The following RPL3L variants were observed in gnomAD, a reference collection of about 807,000 sequenced individuals.
The protein encoded by RPL3L is ribosomal protein uL3-like.
Under a neutral mutation model 44.5 loss-of-function variants are expected in RPL3L, and 44 were observed. The observed-to-expected ratio is 0.99, with a 90% CI of 0.78 to 1.27. The LOEUF (loss-of-function observed/expected upper bound fraction) is 1.27. Among genes scored for constraint, RPL3L ranks in the 50% most tolerant of loss-of-function variants. RPL3L has a pLI of 0.00. For synonymous variants in RPL3L, 292 were observed against 230.7 expected (o/e 1.27, Z -2.41); for missense variants, 631 against 569.1 (o/e 1.11, Z -1.11).
At chr16:1,948,086 C>T (rs550416114) in intron 4 of RPL3L, among the ~76,000 whole-genome samples, 13 of 149,906 alleles carry the variant, frequency 8.7e-5, no homozygotes, top group Admixed American at 1.3e-4. Flanking sequence ...TACAGGTGCC[C>T]GCCACCTCGA....
At chr16:1,947,566 A>G (rs1430552513) in intron 4 of RPL3L, among the ~76,000 whole-genome samples, 186 bp from the exon 5 acceptor site, 2 of 152,244 alleles carry the variant, frequency 1.3e-5, no homozygotes, top group South Asian at 2.1e-4. Flanking sequence ...TGAGGCAGAC[A>G]GAGTCCCACA....
chr16:1,949,252 T>TG (rs2083150459), intron 4 of RPL3L, among the ~76,000 whole-genome samples: 2 of 114,072 alleles, frequency 1.8e-5, no homozygotes, highest in African/African-American at 6.3e-5. Context: ...TTGTTTTTTT[T>TG]TTTTTTCTTT....
intron 4 of RPL3L, among the ~76,000 whole-genome samples, chr16:1,949,066 C>T (rs1488163804): frequency 3.5e-5 from 5 of 141,012 alleles, no homozygotes; most frequent in African/African-American, 1.3e-4. Flanking sequence ...AGACTGGTCT[C>T]GAAGTCCTCC....
rs1241572539 is a variant in RPL3L at position 1,954,180 on chromosome 16, G to A, written c.4-32C>T. ...GGCAGGAAGGAAGGAGGTCAGACCT[G>A]GGGTGTCCCTGGTGGTAGAGCTGGA... On this transcript the variant is annotated intron_variant, in intron 1 of 9. Transcript: ENST00000268661. 3 of 1,519,346 alleles carry A rather than the reference G, an allele frequency of 2.0e-6. No homozygotes were observed. The African/African-American group carries it at 4.1e-5, about 21-fold the overall frequency. 94.1% of individuals were successfully genotyped at this position (1,519,346 alleles called of 1,614,324 possible).
intron 3 of RPL3L, among the ~76,000 whole-genome samples, chr16:1,952,123 A>T (rs1044280875): frequency 8.7e-5 from 13 of 149,066 alleles, no homozygotes; most frequent in African/African-American, 2.5e-4. Context: ...TTATTTTTTT[A>T]TTTTTATTTT....
At chr16:1,950,387 G>C (rs539873537) in intron 4 of RPL3L, among the ~76,000 whole-genome samples, 2 of 151,982 alleles carry the variant, frequency 1.3e-5, no homozygotes, top group African/African-American at 4.8e-5. Context: ...GCTCAGGGTC[G>C]GGGGCACTGC....
rs2083149813 is a variant in RPL3L, at chr16:1,949,244, G to GTTTTTTTGTTTTTTCTTTTT, written c.501+1599_501+1600insAAAAAGAAAAAACAAAAAAA. ...GTGTAAGCCACTGGGCCTGATTTTT[G>GTTTTTTTGTTTTTTCTTTTT]TTTTTTTTTTTTTTCTTTTTTTTTT... On this transcript the variant is annotated intron_variant, in intron 4 of 9. Coordinates refer to ENST00000268661, the MANE Select transcript of RPL3L (RefSeq NM_005061.3). Among the ~76,000 whole-genome samples, 4 of 81,960 alleles carry GTTTTTTTGTTTTTTCTTTTT rather than the reference G, an allele frequency of 4.9e-5. 1 individual carries two copies. The highest frequency in any genetic ancestry group is 8.4e-5 in the African/African-American group (2 of 23,828). The allele number at this position is 81,960 out of a possible 152,430, so 53.8% of individuals were successfully genotyped here.
At chr16:1,949,244 G>GTTTTTTTGTTTTTTCTT (rs2083149813) in intron 4 of RPL3L, among the ~76,000 whole-genome samples, 1 of 81,960 alleles carries the variant, frequency 1.2e-5, no homozygotes, top group African/African-American at 4.2e-5. Flanking sequence ...CCTGATTTTT[G>GTTTTTTTGTTTTTTCTT]TTTTTTTTTT....
At chr16:1,951,342 G>C (rs1342989632) in intron 3 of RPL3L, among the ~76,000 whole-genome samples, 5 of 152,172 alleles carry the variant, frequency 3.3e-5, no homozygotes, top group South Asian at 2.1e-4. Flanking sequence ...CAAGGGTGCA[G>C]TGGGTGCCAT....
Position 1,952,905 on chromosome 16 carries a change from C to A in RPL3L, c.334G>T (p.Asp112Tyr), listed in dbSNP as rs773950646. The A allele has an allele frequency of 6.2e-7, 1 of 1,614,008 alleles. No homozygotes were observed. The change falls in exon 3 of 10, where the codon GAT (aspartate) becomes TAT (tyrosine). Residue 112 changes from aspartate to tyrosine, a missense_variant. By Grantham distance (160) the Asp-to-Tyr change is radical. Transcript: ENST00000268661. Reference protein sequence around the residue: ...FKTIFAEHLSDECRRRFYKDW... With the variant: ...FKTIFAEHLSYECRRRFYKDW... Reference sequence around the variant, plus strand: ...TTGTAGAATCGGCGCCGGCACTCATCACTGAGGTGTTCTGCAAAGATGGTC... The same window carrying A: ...TTGTAGAATCGGCGCCGGCACTCATAACTGAGGTGTTCTGCAAAGATGGTC...
Position 1,953,977 on chromosome 16 carries a change from CCCGCAGGG to C in RPL3L, c.167_174del (p.Thr56ArgfsTer54). ...TCACTGAGCCCCGGCCGGTGCACCT[CCCGCAGGG>C]TGTGGGTCATGCCCGCCTTGTAGCC... is the stretch of plus-strand genomic sequence containing the variant. On this transcript the variant is annotated frameshift_variant, in exon 2 of 10. Coordinates refer to ENST00000268661, the MANE Select transcript of RPL3L (RefSeq NM_005061.3). LOFTEE classifies it high-confidence loss of function. 1 of 1,568,770 alleles carries C rather than the reference CCCGCAGGG, an allele frequency of 6.4e-7. No homozygotes were observed. Among genetic ancestry groups the C allele is most frequent in the Non-Finnish European group, 8.7e-7 (1 of 1,153,738 alleles).
intron 4 of RPL3L, among the ~76,000 whole-genome samples, chr16:1,949,273 T>C (rs1405503209): frequency 7.5e-6 from 1 of 133,756 alleles, no homozygotes; most frequent in Non-Finnish European, 1.6e-5. Flanking sequence ...TTTTTTTTTT[T>C]TTTTTTTTGA....
chr16:1,947,735 C>T (rs1188933468), intron 4 of RPL3L, among the ~76,000 whole-genome samples: 1 of 152,080 alleles, frequency 6.6e-6, no homozygotes, highest in East Asian at 1.9e-4. Flanking sequence ...AAGTAGGAGC[C>T]ACGAGGCAAA....
intron 7 of RPL3L, 73 bp downstream of exon 7, chr16:1,946,552 C>T (rs898002881): frequency 2.3e-5 from 35 of 1,498,646 alleles, no homozygotes; most frequent in South Asian, 6.9e-5. Context: ...CCAGGCCCCC[C>T]GGCCAGCCTG....
chr16:1,952,549 A>AT (rs1004194253), intron 3 of RPL3L, among the ~76,000 whole-genome samples: 3 of 147,158 alleles, frequency 2.0e-5, no homozygotes, highest in South Asian at 2.2e-4. Context: ...TAATTTTTGT[A>AT]TTTTTTGGTA....
In RPL3L at chr16:1,943,985, T is replaced by A. The variant is rs2083101083; in HGVS notation, c.*852A>T. On this transcript the variant is annotated 3_prime_UTR_variant, in exon 10 of 10. Transcript: ENST00000268661. The stretch of plus-strand genomic sequence containing the variant: ...CCACCACGCCCAGCTAATTTTGTAT[T>A]TTTAATAGAGACGAGGTTTCTCGAT... The A allele has an allele frequency of 6.6e-6, 1 of 152,154 alleles. No individual in the cohort carries two copies. Among genetic ancestry groups the A allele is most frequent in the Non-Finnish European group, 1.5e-5 (1 of 68,036 alleles). 9.4% of individuals were successfully genotyped at this position (152,154 alleles called of 1,614,324 possible). A position where few individuals can be genotyped will look rare whatever the true frequency, so the allele number is the denominator to read the frequency against.
At position 1,944,757 on chromosome 16, in the gene RPL3L, A is replaced by G; in HGVS notation, c.*80T>C. On this transcript the variant is annotated 3_prime_UTR_variant, in exon 10 of 10. Transcript: ENST00000268661. ...GTTACACAGCGCTCTGAGACCTCGC[A>G]GGAAGAGTCGCCTCCGGCCTTTGTT... The G allele has an allele frequency of 3.8e-6, 6 of 1,593,692 alleles. No homozygotes were observed. The highest frequency in any genetic ancestry group is 1.7e-5 in the Admixed American group (1 of 59,916).
rs2083117507 is a variant in RPL3L, at chr16:1,945,885, G to A, written c.997C>T (p.Leu333=). 1.2e-6 allele frequency: 2 copies of A among 1,613,694 alleles called. No individual in the cohort carries two copies. The highest frequency in any genetic ancestry group is 1.3e-5 in the African/African-American group (1 of 74,934). ...TTGGTACCAGCAATACAACCCTTCA[G>A]CATGACGAAGTCGTTGTTCACTTCC... ...YGEVNNDFVM[L]KGCIAGTKKR... The change falls in exon 8 of 10, where the codon CTG becomes TTG. Residue 333 remains leucine (L), a synonymous_variant. Coordinates refer to ENST00000268661, the MANE Select transcript of RPL3L (RefSeq NM_005061.3).
chr16:1,951,034 G>A lies in RPL3L; in HGVS notation c.366-55C>T, dbSNP rs897893004. ...GCCCCCAACCGGGGCAGCTCCCCAG[G>A]CCTATCCTGCCCCCACCTCACCCCC... is the stretch of plus-strand genomic sequence containing the variant. On this transcript the variant is annotated intron_variant, in intron 3 of 9. Transcript: ENST00000268661. 3 of 1,589,644 alleles carry A rather than the reference G, an allele frequency of 1.9e-6. No individual in the cohort carries two copies. The Admixed American group carries it at 5.1e-5, about 27-fold the overall frequency.
Sources: allele counts gnomAD v4.1 joint callset (sites outside exome capture counted in the v4.1 genomes callset), GRCh38; gene constraint gnomAD v4.1.1; transcripts MANE v1.5; gene names NCBI Gene and HGNC (gene_info 2026-07-23, HGNC 2026-07-21).